TOGARAM1: variants seen among roughly 807,000 people sequenced by gnomAD.
TOGARAM1 encodes the protein TOG array regulator of axonemal microtubules protein 1.
TOGARAM1 carries 100 observed loss-of-function variants against 166.6 expected under a neutral mutation model. That is an observed-to-expected ratio of 0.60 (90% CI 0.51 to 0.71). TOGARAM1 has a LOEUF of 0.71. Among genes scored for constraint, TOGARAM1 ranks in the 30% least tolerant of loss-of-function variants. The pLI is 0.00. For missense variants in TOGARAM1, 2,029 were observed against 2,102.7 expected (o/e 0.96, Z 0.69); for synonymous variants, 758 against 763.8 (o/e 0.99, Z 0.13).
chr14:45,069,561 A>G (rs1227760679), intron 18 of TOGARAM1, among the ~76,000 whole-genome samples: 2 of 152,206 alleles, frequency 1.3e-5, no homozygotes, highest in East Asian at 1.9e-4. Context: ...CCATGAGGCT[A>G]TACGGATGGC....
rs1026946851 is a variant in TOGARAM1, at chr14:45,052,630, G to T, written c.4440+68G>T. The T allele has an allele frequency of 2.9e-6, 4 of 1,369,890 alleles. No homozygotes were observed. In the South Asian group the frequency reaches 4.3e-5, roughly 15 times the overall value. The allele number at this position is 1,369,890 out of a possible 1,614,324, so 84.9% of individuals were successfully genotyped here. On this transcript the variant is annotated intron_variant, in intron 15 of 19. Transcript: ENST00000361462. ...AGCTTGTTTTTACATCCAGGTAAAG[G>T]ATAGGAATAATTATTTATTTGATTA...
rs769980319 is a variant in TOGARAM1 at position 44,999,356 on chromosome 14, T to C, written c.2204-7T>C. On this transcript the variant is annotated splice_polypyrimidine_tract_variant and splice_region_variant and intron_variant, in intron 2 of 19. Coordinates refer to ENST00000361462, the MANE Select transcript of TOGARAM1 (RefSeq NM_001308120.2). ...TTTTATGTTTTCTCCCTTCCTTTCT[T>C]CAAAAGGTACTACTGGGACTCATCA... 1.3e-6 allele frequency: 2 copies of C among 1,546,380 alleles called. No individual in the cohort carries two copies. The highest frequency in any genetic ancestry group is 3.9e-5 in the Admixed American group (2 of 51,706).
rs1880965245 is a variant in TOGARAM1 at position 45,028,174 on chromosome 14, A to G, written c.3505-2A>G. ...TTTCAGACTTTCAACTTTTTCATGC[A>G]GGCTAAAGTTTCTATTTCTAAATCT... On this transcript the variant is annotated splice_acceptor_variant, in intron 9 of 19. Coordinates refer to ENST00000361462, the MANE Select transcript of TOGARAM1 (RefSeq NM_001308120.2). LOFTEE classifies it high-confidence loss of function. 1.3e-6 allele frequency: 2 copies of G among 1,559,436 alleles called. No individual in the cohort carries two copies. The highest frequency in any genetic ancestry group is 1.7e-6 in the Non-Finnish European group (2 of 1,160,854).
At chr14:44,974,759 G>A (rs992301288) in intron 1 of TOGARAM1, among the ~76,000 whole-genome samples, 3 of 149,108 alleles carry the variant, frequency 2.0e-5, no homozygotes, top group Non-Finnish European at 4.4e-5. Context: ...TACCCCTTTC[G>A]GTGTGTGTGT....
At chr14:44,967,003 TTTGG>T (rs1320835360) in intron 1 of TOGARAM1, among the ~76,000 whole-genome samples, 1 of 151,846 alleles carries the variant, frequency 6.6e-6, no homozygotes, top group Non-Finnish European at 1.5e-5. Context: ...CTAGCCTTAC[TTTGG>T]TTTTTTTTTT....
chr14:44,995,158 G>T (rs1308795221), intron 1 of TOGARAM1, among the ~76,000 whole-genome samples: 1 of 152,096 alleles, frequency 6.6e-6, no homozygotes, highest in Non-Finnish European at 1.5e-5. Context: ...ATCATATGGG[G>T]TTTATGAGAA....
Position 45,044,687 on chromosome 14 carries a change from A to G in TOGARAM1, c.3971A>G (p.Asp1324Gly). The change falls in exon 13 of 20, where the codon GAT becomes GGT. Residue 1324 changes from aspartate (D) to glycine (G), a missense_variant. By Grantham distance (94) the Asp-to-Gly change is moderately conservative. Coordinates refer to ENST00000361462, the MANE Select transcript of TOGARAM1 (RefSeq NM_001308120.2). ...CGTGCTGCTGTGGTCTGTTTAAGTGATCTTTTCACTTATTTGAAAAAGAGC... is the reference window on the plus strand; with the variant it reads ...CGTGCTGCTGTGGTCTGTTTAAGTGGTCTTTTCACTTATTTGAAAAAGAGC... ...VSRAAVVCLS[D>G]LFTYLKKSMD... is the part of the protein sequence containing the mutation. The G allele has an allele frequency of 2.5e-6, 4 of 1,613,994 alleles. No homozygotes were observed. The highest frequency in any genetic ancestry group is 3.4e-6 in the Non-Finnish European group (4 of 1,179,986).
intron 11 of TOGARAM1, chr14:45,042,285 A>C (rs974231575): frequency 1.7e-4 from 26 of 151,964 alleles, no homozygotes; most frequent in Admixed American, 1.7e-3. Context: ...CACAGAAAGC[A>C]CTTTGGTAGC....
At position 44,999,346 on chromosome 14, in the gene TOGARAM1, C is replaced by A; in HGVS notation, c.2204-17C>A. 1 of 1,531,960 alleles carries A rather than the reference C, an allele frequency of 6.5e-7. No homozygotes were observed. The highest frequency in any genetic ancestry group is 8.8e-7 in the Non-Finnish European group (1 of 1,134,608). The allele number at this position is 1,531,960 out of a possible 1,614,324, so 94.9% of individuals were successfully genotyped here. On this transcript the variant is annotated splice_polypyrimidine_tract_variant and intron_variant, in intron 2 of 19. Transcript: ENST00000361462. ...TAACTTTTGCTTTTATGTTTTCTCC[C>A]TTCCTTTCTTCAAAAGGTACTACTG...
At position 44,995,909 on chromosome 14, in the gene TOGARAM1, A is replaced by G; in HGVS notation, c.2203+7A>G. ...CTTCCTTTATGTGCTGCTGGTAAGT[A>G]CAAGTTGCTGATGATGGTCATGTTG... On this transcript the variant is annotated splice_region_variant and intron_variant, in intron 2 of 19. Transcript: ENST00000361462. 2 of 1,589,866 alleles carry G rather than the reference A, an allele frequency of 1.3e-6. No individual in the cohort carries two copies. Among genetic ancestry groups the G allele is most frequent in the Non-Finnish European group, 1.7e-6 (2 of 1,171,324 alleles).
Position 45,032,290 on chromosome 14 carries a change from A to G in TOGARAM1, c.3726A>G (p.Glu1242=), listed in dbSNP as rs1239520954. 6.2e-7 allele frequency: 1 copy of G among 1,614,002 alleles called. No homozygotes were observed. Among genetic ancestry groups the G allele is most frequent in the Non-Finnish European group, 8.5e-7 (1 of 1,180,006 alleles). ...TGCCTTCTGTCACTCATAGTCCAGA[A>G]ATAATGGATCTGTCAGAACTACGAC... ...ERMPSVTHSP[E]IMDLSELRPF... Residue 1242 remains glutamate, a synonymous_variant, in exon 11 of 20, where the codon GAA becomes GAG. Coordinates refer to ENST00000361462, the MANE Select transcript of TOGARAM1 (RefSeq NM_001308120.2).
intron 1 of TOGARAM1, among the ~76,000 whole-genome samples, chr14:44,982,131 A>T (rs1348623269): frequency 6.6e-6 from 1 of 152,194 alleles, no homozygotes; most frequent in Non-Finnish European, 1.5e-5. Flanking sequence ...GGCATAAGCC[A>T]CTGCACCTAG....
intron 12 of TOGARAM1, among the ~76,000 whole-genome samples, chr14:45,044,345 A>C (rs1278988804): frequency 1.3e-5 from 2 of 152,154 alleles, no homozygotes; most frequent in Non-Finnish European, 1.5e-5. Flanking sequence ...GTTTGAGACC[A>C]GTCGGCCCAA....
At chr14:45,025,562 T>C in intron 7 of TOGARAM1, 1 of 355,118 alleles carries the variant, frequency 2.8e-6, no homozygotes, top group Middle Eastern at 8.3e-4. Context: ...AGACTCCATC[T>C]CAAAAAAAAA....
At chr14:44,970,870 A>C (rs929305866) in intron 1 of TOGARAM1, among the ~76,000 whole-genome samples, 1 of 152,194 alleles carries the variant, frequency 6.6e-6, no homozygotes, top group Non-Finnish European at 1.5e-5. Flanking sequence ...CCAGCCTTGC[A>C]TACCTGGGAT....
intron 17 of TOGARAM1, 29 bp downstream of exon 17, chr14:45,066,796 G>C (rs1279424466): frequency 1.9e-6 from 3 of 1,571,896 alleles, no homozygotes; most frequent in Non-Finnish European, 2.6e-6. Flanking sequence ...TAATTTTAAT[G>C]TGGGTATGGT....
Position 44,973,685 on chromosome 14 carries a change from C to T in TOGARAM1, c.2046+9218C>T, listed in dbSNP as rs1004055895. ...AAAAACTTCAATGTTTCTTACAAGGCAGGTCTTACTAACAACAACTTCTTT... is the reference window on the plus strand; with the variant it reads ...AAAAACTTCAATGTTTCTTACAAGGTAGGTCTTACTAACAACAACTTCTTT... On this transcript the variant is annotated intron_variant, in intron 1 of 19. Coordinates refer to ENST00000361462, the MANE Select transcript of TOGARAM1 (RefSeq NM_001308120.2). 4.4e-4 allele frequency among the ~76,000 whole-genome samples: 67 copies of T among 151,638 alleles called. 2 individuals carry two copies. The highest frequency in any genetic ancestry group is 1.4e-3 in the African/African-American group (59 of 41,442).
At chr14:45,025,906 G>A in intron 8 of TOGARAM1, 34 bp downstream of exon 8, 1 of 1,122,430 alleles carries the variant, frequency 8.9e-7, no homozygotes, top group Non-Finnish European at 1.3e-6. Context: ...TTAATTATAT[G>A]TATTCATCAT....
intron 5 of TOGARAM1, 28 bp from the exon 6 acceptor site, chr14:45,008,885 A>ATT: frequency 1.3e-6 from 2 of 1,549,720 alleles, no homozygotes; most frequent in Non-Finnish European, 1.8e-6. Context: ...TTTATGTTAT[A>ATT]AAGTTTATTG....
Sources: gnomAD v4.1 joint callset for allele counts (sites outside exome capture counted in the v4.1 genomes callset) on GRCh38, gnomAD v4.1.1 for gene constraint, MANE v1.5 for transcripts, NCBI Gene and HGNC (gene_info 2026-07-23, HGNC 2026-07-21) for gene names.